Variants in DGKI observed in about 807,000 individuals in gnomAD.
DGKI encodes the protein diacylglycerol kinase iota, also known as DAG kinase iota.
A neutral mutation model predicts 147.5 loss-of-function variants in DGKI; 55 were observed. The observed-to-expected ratio is 0.37, with a 90% CI of 0.30 to 0.47. DGKI has a LOEUF of 0.47. Among genes scored for constraint, DGKI ranks in the 20% least tolerant of loss-of-function variants. The pLI is 1.00. For synonymous variants in DGKI, 469 were observed against 477.1 expected (o/e 0.98, Z 0.22); for missense variants, 1,007 against 1,323.8 (o/e 0.76, Z 3.71).
At position 137,487,788 on chromosome 7, in the gene DGKI, A is replaced by G. The variant is rs1585162883; in HGVS notation, c.2249-99T>C. On this transcript the variant is annotated intron_variant, in intron 21 of 32. Transcript: ENST00000614521. ...GTGGTTAAAAAACAATCTCATAAATATTATGGGTTTTTTAGATATGTCCGT... is the reference window on the plus strand; with the variant it reads ...GTGGTTAAAAAACAATCTCATAAATGTTATGGGTTTTTTAGATATGTCCGT... 9 of 1,085,442 alleles carry G rather than the reference A, an allele frequency of 8.3e-6. No individual in the cohort carries two copies. In the East Asian group the frequency reaches 1.4e-4, roughly 17 times the overall value. The allele number at this position is 1,085,442 out of a possible 1,614,324, so 67.2% of individuals were successfully genotyped here.
intron 21 of DGKI, among the ~76,000 whole-genome samples, chr7:137,517,210 AAAG>A (rs1230645113): frequency 6.8e-6 from 1 of 148,054 alleles, no homozygotes; most frequent in African/African-American, 2.5e-5. Flanking sequence ...AAAGAAAAGT[AAAG>A]AAAAGAAAAG....
chr7:137,487,610 C>T lies in DGKI; in HGVS notation c.2328G>A (p.Glu776=). 1.2e-6 allele frequency: 2 copies of T among 1,613,434 alleles called. No individual in the cohort carries two copies. The highest frequency in any genetic ancestry group is 1.7e-6 in the Non-Finnish European group (2 of 1,179,514). The change falls in exon 22 of 33, where the codon GAG becomes GAA. Residue 776 remains glutamate (E), a splice_region_variant and synonymous_variant. Coordinates refer to ENST00000614521, the MANE Select transcript of DGKI (RefSeq NM_001321708.2). The part of the protein sequence containing the change: ...TCRMYIDRLQ[E]DLQSVSSGSQ... ...TAAAAAATTGGCTAAATAAACTCAC[C>T]TCCTGTAGGCGGTCTATGTACATAC...
chr7:137,381,799 A>G lies in DGKI; in HGVS notation c.*9421T>C, dbSNP rs1811067446. ...CTGACTTTTCAAAGATGTGTTTTGCAAAATATTCTGTTGTGTTAGAATATT... is the reference window on the plus strand; with the variant it reads ...CTGACTTTTCAAAGATGTGTTTTGCGAAATATTCTGTTGTGTTAGAATATT... On this transcript the variant is annotated 3_prime_UTR_variant, in exon 33 of 33. Transcript: ENST00000614521. 6.6e-6 allele frequency: 1 copy of G among 152,114 alleles called. No individual in the cohort carries two copies. The highest frequency in any genetic ancestry group is 2.4e-5 in the African/African-American group (1 of 41,440). The allele number at this position is 152,114 out of a possible 1,614,324, so 9.4% of individuals were successfully genotyped here.
chr7:137,395,516 C>T (rs1240871213), intron 32 of DGKI, 82 bp downstream of exon 32: 1 of 1,314,140 alleles, frequency 7.6e-7, no homozygotes, highest in Non-Finnish European at 1.1e-6. Context: ...GAAAGGATGT[C>T]CGTGCTATGG....
chr7:137,567,494 A>G (rs1818629892), intron 19 of DGKI, among the ~76,000 whole-genome samples: 1 of 152,218 alleles, frequency 6.6e-6, no homozygotes, highest in Non-Finnish European at 1.5e-5. Context: ...AAAGAAGCAC[A>G]TTTTAATAAA....
rs879832267 is a variant in DGKI at position 137,767,528 on chromosome 7, A to AAGAGT, written c.402-77531_402-77527dup. 1.5e-4 allele frequency among the ~76,000 whole-genome samples: 21 copies of AAGAGT among 139,364 alleles called. 1 individual carries two copies. Among genetic ancestry groups the AAGAGT allele is most frequent in the Non-Finnish European group, 2.0e-4 (13 of 63,838 alleles). 91.4% of individuals were successfully genotyped at this position (139,364 alleles called of 152,430 possible). A position where few individuals can be genotyped will look rare whatever the true frequency, so the allele number is the denominator to read the frequency against. On this transcript the variant is annotated intron_variant, in intron 1 of 32. Coordinates refer to ENST00000614521, the MANE Select transcript of DGKI (RefSeq NM_001321708.2). ...AAGAGAAGAGAAGAGAAGAGAAGAG[A>AAGAGT]AGAGTAGAGTAGGAGGAAGAGGAAG...
chr7:137,561,987 AT>A (rs1334299494), intron 19 of DGKI, among the ~76,000 whole-genome samples: 1 of 152,220 alleles, frequency 6.6e-6, no homozygotes, highest in Non-Finnish European at 1.5e-5. Flanking sequence ...ATTTAAAACT[AT>A]TTGTTGCCAA....
At chr7:137,505,227 G>T (rs975854454) in intron 21 of DGKI, among the ~76,000 whole-genome samples, 1 of 152,106 alleles carries the variant, frequency 6.6e-6, no homozygotes, top group Non-Finnish European at 1.5e-5. Context: ...AAAAGACTGA[G>T]GCCACAGGAC....
Position 137,388,290 on chromosome 7 carries a change from T to G in DGKI, c.*2930A>C, listed in dbSNP as rs1246651577. On this transcript the variant is annotated 3_prime_UTR_variant, in exon 33 of 33. Transcript: ENST00000614521. ...ATATTAAAATATAAGCTTGCAAAAA[T>G]GACTACCTTTCAGGTTACAGAATGT... 1.3e-5 allele frequency: 2 copies of G among 152,180 alleles called. No homozygotes were observed. Among genetic ancestry groups the G allele is most frequent in the East Asian group, 3.9e-4 (2 of 5,192 alleles). The allele number at this position is 152,180 out of a possible 1,614,324, so 9.4% of individuals were successfully genotyped here. A position where few individuals can be genotyped will look rare whatever the true frequency, so the allele number is the denominator to read the frequency against.
intron 28 of DGKI, among the ~76,000 whole-genome samples, chr7:137,424,710 T>TA (rs2128907912): frequency 6.6e-6 from 1 of 152,244 alleles, no homozygotes; most frequent in East Asian, 1.9e-4. Flanking sequence ...CCAACGGGCT[T>TA]AAAAAACGGC....
At chr7:137,505,498 G>A (rs938251169) in intron 21 of DGKI, among the ~76,000 whole-genome samples, 14 of 152,096 alleles carry the variant, frequency 9.2e-5, no homozygotes, top group Non-Finnish European at 1.9e-4. Context: ...GTGAATACAG[G>A]GGGAAAGCTT....
At chr7:137,590,595 C>A (rs185005236) in intron 12 of DGKI, among the ~76,000 whole-genome samples, 2 of 152,186 alleles carry the variant, frequency 1.3e-5, no homozygotes, top group Admixed American at 6.5e-5. Flanking sequence ...ACAGATGGAA[C>A]GTTAGGGGGT....
intron 1 of DGKI, among the ~76,000 whole-genome samples, chr7:137,813,253 T>A (rs567423536): frequency 6.6e-6 from 1 of 152,206 alleles, no homozygotes; most frequent in African/African-American, 2.4e-5. Flanking sequence ...TCACTTCTCC[T>A]GGGTCACATC....
At chr7:137,695,540 A>G (rs1823752643) in intron 1 of DGKI, among the ~76,000 whole-genome samples, 1 of 152,148 alleles carries the variant, frequency 6.6e-6, no homozygotes, top group South Asian at 2.1e-4. Flanking sequence ...TTTATAATAG[A>G]TGTTCTCCAT....
In DGKI at chr7:137,689,955, G is replaced by A; in HGVS notation, c.449C>T (p.Pro150Leu). The A allele has an allele frequency of 6.2e-7, 1 of 1,609,992 alleles. No individual in the cohort carries two copies. Among genetic ancestry groups the A allele is most frequent in the Non-Finnish European group, 8.5e-7 (1 of 1,178,218 alleles). ...AGLQHLAPAH[P>L]LSLPVANGPA... ...ACCATTTGCCACAGGAAGGCTGAGG[G>A]GATGTGCAGGAGCCAGATGCTGGAG... Residue 150 changes from proline (P) to leucine (L), a missense_variant, in exon 2 of 33, where the codon CCC (proline) becomes CTC (leucine). Pro to Leu is a moderately conservative substitution (Grantham distance 98). Coordinates refer to ENST00000614521, the MANE Select transcript of DGKI (RefSeq NM_001321708.2).
Position 137,466,955 on chromosome 7 carries a change from A to G in DGKI, c.2444-13T>C, listed in dbSNP as rs1249172854. 2 of 1,613,904 alleles carry G rather than the reference A, an allele frequency of 1.2e-6. No homozygotes were observed. Among genetic ancestry groups the G allele is most frequent in the African/African-American group, 2.7e-5 (2 of 74,926 alleles). On this transcript the variant is annotated splice_polypyrimidine_tract_variant and intron_variant, in intron 24 of 32. Coordinates refer to ENST00000614521, the MANE Select transcript of DGKI (RefSeq NM_001321708.2). The stretch of plus-strand genomic sequence containing the variant: ...TCAGCAGAAGTTGCTAGGGGAAAAA[A>G]AATGCAGATGGCATTCAGAATGTTC...
chr7:137,499,860 G>C (rs768654608), intron 21 of DGKI, among the ~76,000 whole-genome samples: 20 of 152,018 alleles, frequency 1.3e-4, no homozygotes, highest in Non-Finnish European at 2.8e-4. Context: ...ATATCCAGTT[G>C]GTTCTATTTC....
At chr7:137,429,385 C>T (rs1812966186) in intron 28 of DGKI, among the ~76,000 whole-genome samples, 1 of 152,108 alleles carries the variant, frequency 6.6e-6, no homozygotes, top group African/African-American at 2.4e-5. Flanking sequence ...TTCCTTACAC[C>T]TTATACAAAA....
intron 16 of DGKI, among the ~76,000 whole-genome samples, chr7:137,578,015 C>T (rs1191341352): frequency 2.0e-5 from 3 of 152,188 alleles, no homozygotes; most frequent in Non-Finnish European, 4.4e-5. Context: ...ATAGCATCTT[C>T]TCTTGTTCAA....
Sources: gnomAD v4.1 joint callset for allele counts (sites outside exome capture counted in the v4.1 genomes callset) on GRCh38, gnomAD v4.1.1 for gene constraint, MANE v1.5 for transcripts, NCBI Gene and HGNC (gene_info 2026-07-23, HGNC 2026-07-21) for gene names.